Variants in SMAD3 observed in about 807,000 individuals in gnomAD.
SMAD3 encodes the protein SMAD family member 3, also known as MAD homolog 3.
In SMAD3, 12 loss-of-function variants were observed where a neutral mutation model predicts 51.8. The ratio of observed to expected loss-of-function variants is 0.23; its 90% CI spans 0.15 to 0.38. SMAD3 has a LOEUF of 0.38. Ranked by LOEUF, SMAD3 falls within the 10% of genes least tolerant of loss-of-function variation. The probability of loss-of-function intolerance (pLI) is 1.00; values close to 1 mark genes in which losing one functional copy is unlikely to be tolerated. For missense variants in SMAD3, 294 were observed against 565.6 expected, an observed-to-expected ratio of 0.52 and a Z score of 4.87; for synonymous variants, 238 against 227.7, an observed-to-expected ratio of 1.05 and a Z score of -0.41.
At chr15:67,067,463 G>T (rs1242292968) in intron 1 of SMAD3, among the ~76,000 whole-genome samples, 1 of 152,150 alleles carries the variant, frequency 6.6e-6, no homozygotes, top group African/African-American at 2.4e-5. Context: ...TTGGGGGCTG[G>T]CTCTTTTGGG....
intron 1 of SMAD3, 118 bp downstream of exon 1, chr15:67,066,478 T>C: frequency 1.2e-6 from 1 of 805,482 alleles, no homozygotes; most frequent in Non-Finnish European, 2.0e-6. Flanking sequence ...AGTGAGACTG[T>C]GTGGGTGCGT....
chr15:67,067,927 T>C (rs1354246334), intron 1 of SMAD3, among the ~76,000 whole-genome samples: 1 of 152,148 alleles, frequency 6.6e-6, no homozygotes, highest in Non-Finnish European at 1.5e-5. Flanking sequence ...AGTATGCTAC[T>C]TCTCTTTCTG....
In SMAD3 at chr15:67,086,477, A is replaced by C. The variant is rs1420188141; in HGVS notation, c.206+20117A>C. The stretch of plus-strand genomic sequence containing the variant: ...GCAGCTAAGTTGGAATATCTCATTC[A>C]GGTAAAGGGATGGGCTTGTGGATCC... On this transcript the variant is annotated intron_variant, in intron 1 of 8. Coordinates refer to ENST00000327367, the MANE Select transcript of SMAD3 (RefSeq NM_005902.4). Among the ~76,000 whole-genome samples, 5 of 152,174 alleles carry C rather than the reference A, an allele frequency of 3.3e-5. No homozygotes were observed. In the East Asian group the frequency reaches 9.6e-4, roughly 29 times the overall value.
intron 1 of SMAD3, among the ~76,000 whole-genome samples, chr15:67,116,968 C>A (rs1410208908): frequency 6.6e-6 from 1 of 152,078 alleles, no homozygotes; most frequent in Non-Finnish European, 1.5e-5. Flanking sequence ...CTTGGAAATC[C>A]CCAAGCTTAC....
chr15:67,077,633 GC>G (rs35854776), intron 1 of SMAD3, among the ~76,000 whole-genome samples: 1 of 152,224 alleles, frequency 6.6e-6, no homozygotes, highest in South Asian at 2.1e-4. Context: ...ATATTTGGGA[GC>G]CTAGAGGAAG....
At chr15:67,159,306 A>G (rs1962365005) in intron 1 of SMAD3, among the ~76,000 whole-genome samples, 1 of 152,160 alleles carries the variant, frequency 6.6e-6, no homozygotes, top group African/African-American at 2.4e-5. Flanking sequence ...CCTGGGATCA[A>G]GTGATCCACC....
intron 1 of SMAD3, among the ~76,000 whole-genome samples, chr15:67,150,845 G>GTTTTTTTTTTTTTTTTT (rs1342434861): frequency 6.9e-5 from 1 of 14,402 alleles, no homozygotes; most frequent in Non-Finnish European, 1.4e-4. Flanking sequence ...CTATTTCTCA[G>GTTTTTTTTTTTTTTTTT]TCTTTTTTTT....
In SMAD3 at chr15:67,192,069, A is replaced by G; in HGVS notation, c.*1533A>G. The stretch of plus-strand genomic sequence containing the variant: ...AAAATGACCTATCCCACGTTTTTGC[A>G]TGAATTTATAGCAGGAAAAATCAAG... On this transcript the variant is annotated 3_prime_UTR_variant, in exon 9 of 9. Transcript: ENST00000327367. 2 of 232,422 alleles carry G rather than the reference A, an allele frequency of 8.6e-6. No homozygotes were observed. The highest frequency in any genetic ancestry group is 1.7e-5 in the Non-Finnish European group (2 of 117,212). 14.4% of individuals were successfully genotyped at this position (232,422 alleles called of 1,614,324 possible).
intron 7 of SMAD3, among the ~76,000 whole-genome samples, chr15:67,186,086 G>T (rs1567002754): frequency 6.6e-6 from 1 of 152,246 alleles, no homozygotes; most frequent in Non-Finnish European, 1.5e-5. Flanking sequence ...TTATTCTCTG[G>T]CTCTATAAGT....
chr15:67,175,309 C>T (rs1962860295), intron 5 of SMAD3, among the ~76,000 whole-genome samples: 2 of 152,122 alleles, frequency 1.3e-5, no homozygotes, highest in African/African-American at 4.8e-5. Flanking sequence ...GTGCCAGTGG[C>T]AGGAGTGAGA....
At chr15:67,177,012 C>A (rs1033253958) in intron 5 of SMAD3, among the ~76,000 whole-genome samples, 2 of 152,210 alleles carry the variant, frequency 1.3e-5, no homozygotes, top group African/African-American at 4.8e-5. Context: ...AGTCATTCTC[C>A]TAGAGGAGCC....
intron 1 of SMAD3, among the ~76,000 whole-genome samples, chr15:67,131,430 T>C (rs78491682): frequency 0.013 from 2,017 of 152,328 alleles, 45 homozygotes; most frequent in African/African-American, 0.047. Context: ...GGTTTCATTG[T>C]TGTTGTTTTC....
At chr15:67,183,025 ATATATATT>A (rs1336837649) in intron 6 of SMAD3, among the ~76,000 whole-genome samples, 8 of 69,602 alleles carry the variant, frequency 1.1e-4, no homozygotes, top group Admixed American at 7.6e-4. Flanking sequence ...ATATATATAT[ATATATATT>A]TTTTTTTTTT....
intron 6 of SMAD3, 110 bp from the exon 7 acceptor site, chr15:67,184,617 G>GCCCTGCTGACACTGCCTCAC (rs1963170025): frequency 1.5e-6 from 2 of 1,373,014 alleles, no homozygotes; most frequent in African/African-American, 2.8e-5. Flanking sequence ...GAAGCTGGCA[G>GCCCTGCTGACACTGCCTCAC]TCACTGGGAG....
At chr15:67,141,880 A>G (rs569422680) in intron 1 of SMAD3, among the ~76,000 whole-genome samples, 66 of 152,274 alleles carry the variant, frequency 4.3e-4, no homozygotes, top group Non-Finnish European at 5.7e-4. Flanking sequence ...GTTGAGGCCA[A>G]CTCAGTTTGC....
At chr15:67,086,520 C>T (rs190131410) in intron 1 of SMAD3, among the ~76,000 whole-genome samples, 9 of 152,140 alleles carry the variant, frequency 5.9e-5, no homozygotes, top group African/African-American at 1.2e-4. Context: ...GTGTGAAATG[C>T]GCCCTAGGAG....
chr15:67,181,359 C>T lies in SMAD3; in HGVS notation c.777C>T (p.Gly259=), dbSNP rs145414319. Residue 259 remains glycine (G), a synonymous_variant, in exon 6 of 9, where the codon GGC becomes GGT. Transcript: ENST00000327367. ...HASQPSMTVD[G]FTDPSNSERF... ...CGCAGCCATCCATGACTGTGGATGGCTTCACCGACCCCTCCAATTCGGAGC... is the reference window on the plus strand; with the variant it reads ...CGCAGCCATCCATGACTGTGGATGGTTTCACCGACCCCTCCAATTCGGAGC... 23 of 1,614,022 alleles carry T rather than the reference C, an allele frequency of 1.4e-5. No individual in the cohort carries two copies. In the African/African-American group the frequency reaches 2.5e-4, roughly 18 times the overall value.
chr15:67,138,806 G>C (rs1326371553), intron 1 of SMAD3, among the ~76,000 whole-genome samples: 2 of 152,186 alleles, frequency 1.3e-5, no homozygotes, highest in African/African-American at 4.8e-5. Flanking sequence ...CCCCTCCCTG[G>C]AAGATGTGAA....
chr15:67,180,565 G>C (rs571516615), intron 5 of SMAD3, among the ~76,000 whole-genome samples: 2 of 149,936 alleles, frequency 1.3e-5, no homozygotes, highest in South Asian at 2.2e-4. Context: ...GTGGAAAATA[G>C]TTTCTGTGAT....
Sources: gnomAD v4.1 joint callset for allele counts (sites outside exome capture counted in the v4.1 genomes callset) on GRCh38, gnomAD v4.1.1 for gene constraint, MANE v1.5 for transcripts, NCBI Gene and HGNC (gene_info 2026-07-23, HGNC 2026-07-21) for gene names.